SLC24A3: variants seen among roughly 807,000 people sequenced by gnomAD.
The protein encoded by SLC24A3 is solute carrier family 24 member 3.
Under a neutral mutation model 75.8 loss-of-function variants are expected in SLC24A3, and 28 were observed. The observed-to-expected ratio is 0.37, with a 90% CI of 0.27 to 0.51. The LOEUF is 0.51. Among genes scored for constraint, SLC24A3 ranks in the 20% least tolerant of loss-of-function variants. The probability of loss-of-function intolerance (pLI) is 0.94; values close to 1 mark genes in which losing one functional copy is unlikely to be tolerated. For synonymous variants in SLC24A3, 372 were observed against 334.1 expected, an observed-to-expected ratio of 1.11 and a Z score of -1.24; for missense variants, 663 against 847.8, an observed-to-expected ratio of 0.78 and a Z score of 2.71.
intron 1 of SLC24A3, among the ~76,000 whole-genome samples, chr20:19,223,005 A>G (rs1981771630): frequency 6.6e-6 from 1 of 152,088 alleles, no homozygotes; most frequent in African/African-American, 2.4e-5. Flanking sequence ...AAGAAGTAAT[A>G]CAGAGGGCCA....
chr20:19,539,201 A>G (rs1401856923), intron 3 of SLC24A3, among the ~76,000 whole-genome samples: 1 of 152,218 alleles, frequency 6.6e-6, no homozygotes, highest in African/African-American at 2.4e-5. Flanking sequence ...CATTCAAGGT[A>G]TTCACTTCTA....
chr20:19,390,348 C>G lies in SLC24A3; in HGVS notation c.271+109261C>G, dbSNP rs1207536562. Among the ~76,000 whole-genome samples the G allele has an allele frequency of 2.0e-5, 3 of 152,162 alleles. No homozygotes were observed. The East Asian group carries it at 5.8e-4, about 29-fold the overall frequency. ...AAAAGCCCTTCACCAGTCAGCTGAT[C>G]CAGAGATGCTCAATGGACCATCTGG... On this transcript the variant is annotated intron_variant, in intron 2 of 16. Transcript: ENST00000328041.
rs114700830 is a variant in SLC24A3, at chr20:19,469,828, G to A, written c.272-45660G>A. On this transcript the variant is annotated intron_variant, in intron 2 of 16. Coordinates refer to ENST00000328041, the MANE Select transcript of SLC24A3 (RefSeq NM_020689.4). ...AGCACACCATCACTTTATGAATATT[G>A]GCAAAGGAAACGGCTGTGGTCACAT... 3.7e-3 allele frequency among the ~76,000 whole-genome samples: 561 copies of A among 152,248 alleles called. 4 individuals carry two copies. The highest frequency in any genetic ancestry group is 0.013 in the African/African-American group (535 of 41,546).
intron 3 of SLC24A3, among the ~76,000 whole-genome samples, chr20:19,574,308 T>C (rs2031097840): frequency 2.0e-5 from 3 of 152,232 alleles, no homozygotes; most frequent in Non-Finnish European, 2.9e-5. Context: ...TATTGTTTTT[T>C]CACTGTGGCT....
chr20:19,345,237 A>C (rs552343728), intron 2 of SLC24A3, among the ~76,000 whole-genome samples: 1 of 152,326 alleles, frequency 6.6e-6, no homozygotes, highest in South Asian at 2.1e-4. Context: ...GATATGAAAA[A>C]ACTGCCAAAC....
intron 11 of SLC24A3, 35 bp from the exon 12 acceptor site, chr20:19,685,065 C>A: frequency 6.4e-7 from 1 of 1,566,150 alleles, no homozygotes; most frequent in Non-Finnish European, 8.7e-7. Flanking sequence ...TGCAATCCCT[C>A]TGACCGTGGT....
At chr20:19,704,227 G>A (rs1481511006) in intron 15 of SLC24A3, among the ~76,000 whole-genome samples, 2 of 152,112 alleles carry the variant, frequency 1.3e-5, no homozygotes, top group Non-Finnish European at 2.9e-5. Context: ...GAACATGTGT[G>A]AGCAAAGAAG....
intron 1 of SLC24A3, among the ~76,000 whole-genome samples, chr20:19,247,715 T>C (rs1281339757): frequency 6.6e-6 from 1 of 152,046 alleles, no homozygotes; most frequent in Non-Finnish European, 1.5e-5. Context: ...ATTGAGAACA[T>C]GCTGCATTGA....
intron 3 of SLC24A3, among the ~76,000 whole-genome samples, chr20:19,532,283 G>A (rs1258837070): frequency 1.3e-5 from 2 of 152,188 alleles, no homozygotes; most frequent in East Asian, 1.9e-4. Flanking sequence ...GCACAAAGCA[G>A]GGCTGGATAC....
intron 2 of SLC24A3, among the ~76,000 whole-genome samples, chr20:19,362,376 G>A (rs1339955722): frequency 6.6e-6 from 1 of 152,216 alleles, no homozygotes; most frequent in Non-Finnish European, 1.5e-5. Flanking sequence ...CCTGCTGGGT[G>A]TGTGACCGTG....
chr20:19,375,036 A>T (rs1355265756), intron 2 of SLC24A3, among the ~76,000 whole-genome samples: 1 of 152,122 alleles, frequency 6.6e-6, no homozygotes, highest in East Asian at 1.9e-4. Context: ...GGGATAACTG[A>T]TGCAACCACT....
chr20:19,327,466 G>C (rs909486084), intron 2 of SLC24A3, among the ~76,000 whole-genome samples: 1 of 152,220 alleles, frequency 6.6e-6, no homozygotes, highest in African/African-American at 2.4e-5. Flanking sequence ...GTGGCAGTGA[G>C]TGCTCTACCC....
chr20:19,501,547 T>C (rs1008307537), intron 2 of SLC24A3, among the ~76,000 whole-genome samples: 1 of 152,212 alleles, frequency 6.6e-6, no homozygotes, highest in Non-Finnish European at 1.5e-5. Flanking sequence ...CCACAGATTC[T>C]AAAGGAAAGT....
rs568959234 is a variant in SLC24A3, at chr20:19,404,529, C to T, written c.272-110959C>T. Among the ~76,000 whole-genome samples, 38 of 152,298 alleles carry T rather than the reference C, an allele frequency of 2.5e-4. No homozygotes were observed. In the South Asian group the frequency reaches 6.2e-3, roughly 25 times the overall value. Reference sequence around the variant, plus strand: ...GGAGCCTAACGGGTCTAGTTTTACCCCAGTTTTTTGCCTGGCCTTCCATCA... The same window carrying T: ...GGAGCCTAACGGGTCTAGTTTTACCTCAGTTTTTTGCCTGGCCTTCCATCA... On this transcript the variant is annotated intron_variant, in intron 2 of 16. Coordinates refer to ENST00000328041, the MANE Select transcript of SLC24A3 (RefSeq NM_020689.4).
chr20:19,342,896 C>T (rs1264558594), intron 2 of SLC24A3, among the ~76,000 whole-genome samples: 1 of 151,650 alleles, frequency 6.6e-6, no homozygotes, highest in Non-Finnish European at 1.5e-5. Flanking sequence ...TGGTGAAACC[C>T]CGTCTCTACT....
chr20:19,323,205 CAAAAAAAAAAA>C (rs1172583632), intron 2 of SLC24A3, among the ~76,000 whole-genome samples: 1 of 61,130 alleles, frequency 1.6e-5, no homozygotes, highest in Admixed American at 1.8e-4. Flanking sequence ...GACTCCGTCT[CAAAAAAAAAAA>C]AAAAAAAAAA....
intron 2 of SLC24A3, among the ~76,000 whole-genome samples, chr20:19,375,025 A>C (rs1462726621): frequency 6.6e-6 from 1 of 152,184 alleles, no homozygotes; most frequent in African/African-American, 2.4e-5. Context: ...AGGTACACCC[A>C]GGGATAACTG....
intron 3 of SLC24A3, among the ~76,000 whole-genome samples, chr20:19,571,882 C>A (rs1324603942): frequency 6.6e-6 from 1 of 152,190 alleles, no homozygotes. Context: ...TCATTCCCTT[C>A]ACAATCTTCC....
intron 2 of SLC24A3, among the ~76,000 whole-genome samples, chr20:19,449,990 G>A (rs2122480276): frequency 6.6e-6 from 1 of 152,252 alleles, no homozygotes; most frequent in East Asian, 1.9e-4. Context: ...AAGAAACAGA[G>A]CTATGGTGTC....
Sources: gnomAD v4.1 joint callset for allele counts (sites outside exome capture counted in the v4.1 genomes callset) on GRCh38, gnomAD v4.1.1 for gene constraint, MANE v1.5 for transcripts, NCBI Gene and HGNC (gene_info 2026-07-23, HGNC 2026-07-21) for gene names.